Variants in WASF3 observed in about 807,000 individuals in gnomAD.
WASF3 encodes the protein actin-binding protein WASF3.
A neutral mutation model predicts 46.6 loss-of-function variants in WASF3; 11 were observed. The ratio of observed to expected loss-of-function variants is 0.24; its 90% confidence interval spans 0.15 to 0.39. The LOEUF is 0.39. Ranked by LOEUF, WASF3 falls within the 10% of genes least tolerant of loss-of-function variation. WASF3 has a pLI of 1.00. For synonymous variants in WASF3, 242 were observed against 259.7 expected (o/e 0.93, Z 0.65); for missense variants, 576 against 669.8 (o/e 0.86, Z 1.55).
chr13:26,684,647 C>T (rs538798553), intron 9 of WASF3, among the ~76,000 whole-genome samples: 14 of 152,108 alleles, frequency 9.2e-5, no homozygotes, highest in South Asian at 2.1e-4. Context: ...GAGGCGGGGG[C>T]GGTAACACAT....
In WASF3 at chr13:26,629,127, A is replaced by G. The variant is rs368087812; in HGVS notation, c.-10-13134A>G. Among the ~76,000 whole-genome samples, 9 of 152,316 alleles carry G rather than the reference A, an allele frequency of 5.9e-5. No homozygotes were observed. In the East Asian group the frequency reaches 1.7e-3, roughly 29 times the overall value. On this transcript the variant is annotated intron_variant, in intron 2 of 9. Transcript: ENST00000335327. ...AAAGTGGGTCCCCTCGTCAGATGCG[A>G]TGATGTGTGGGGTCCATCAGGCTGA...
the WASF3 span, among the ~76,000 whole-genome samples, chr13:26,543,044 G>A: frequency 2.0e-5 from 3 of 152,168 alleles, no homozygotes; most frequent in Admixed American, 2.0e-4. Flanking sequence ...GGTAGTGCAG[G>A]GCTTTGGGAC....
chr13:26,559,808 C>CTTTTTTTTTTTTTT (rs770616922), intron 1 of WASF3, among the ~76,000 whole-genome samples: 3 of 73,434 alleles, frequency 4.1e-5, no homozygotes, highest in African/African-American at 5.4e-5. Context: ...TTCTTTCTTT[C>CTTTTTTTTTTTTTT]TTTTTTTTTT....
chr13:26,685,423 T>C (rs181236961), intron 9 of WASF3, among the ~76,000 whole-genome samples: 76 of 152,348 alleles, frequency 5.0e-4, no homozygotes, highest in Non-Finnish European at 8.8e-4. Flanking sequence ...TCCACAGTTT[T>C]CTCTAATGGT....
rs774806573 is a variant in WASF3, at chr13:26,676,720, A to G, written c.712A>G (p.Thr238Ala). The G allele has an allele frequency of 1.2e-6, 2 of 1,613,362 alleles. No individual in the cohort carries two copies. The highest frequency in any genetic ancestry group is 2.2e-5 in the East Asian group (1 of 44,836). ...TTCCGAGGGATCCCTGTCCCCAGAT[A>G]CTAGGTGTGTGTGTGTCACTGCTCC... ...ASSEGSLSPD[T>A]RSHASDVTDY... Residue 238 changes from threonine (T) to alanine (A), a missense_variant, in exon 7 of 10, where the codon ACT becomes GCT. Around this residue, in one of 3 missense-constraint regions of WASF3, gnomAD observed 295 missense variants for 291.5 expected, o/e 1.01. Coordinates refer to ENST00000335327, the MANE Select transcript of WASF3 (RefSeq NM_006646.6).
chr13:26,550,730 T>C, the WASF3 span, among the ~76,000 whole-genome samples: 1 of 152,118 alleles, frequency 6.6e-6, no homozygotes, highest in Non-Finnish European at 1.5e-5. Context: ...TAACTTCAGA[T>C]CCAGGCACCC....
intron 1 of WASF3, among the ~76,000 whole-genome samples, chr13:26,603,119 A>G (rs1440948040): frequency 2.6e-5 from 4 of 152,200 alleles, no homozygotes; most frequent in Non-Finnish European, 4.4e-5. Context: ...TTCTCCTGAA[A>G]TAGCTGTGGA....
chr13:26,595,495 T>C (rs1210043765), intron 1 of WASF3, among the ~76,000 whole-genome samples: 1 of 152,212 alleles, frequency 6.6e-6, no homozygotes, highest in Non-Finnish European at 1.5e-5. Flanking sequence ...CTAACGACCT[T>C]ATTCACTGTT....
intron 2 of WASF3, among the ~76,000 whole-genome samples, chr13:26,636,243 T>C (rs1881816627): frequency 6.6e-6 from 1 of 152,242 alleles, no homozygotes; most frequent in Non-Finnish European, 1.5e-5. Context: ...CCTGTCAGGC[T>C]GCTTCCTCAC....
chr13:26,611,737 A>G (rs1880986304), intron 1 of WASF3, among the ~76,000 whole-genome samples: 1 of 152,222 alleles, frequency 6.6e-6, no homozygotes, highest in South Asian at 2.1e-4. Context: ...AGCATGCAGT[A>G]CAGCTGCTCT....
At chr13:26,675,734 C>T (rs2137494021) in intron 6 of WASF3, among the ~76,000 whole-genome samples, 1 of 151,676 alleles carries the variant, frequency 6.6e-6, no homozygotes, top group Admixed American at 6.6e-5. Flanking sequence ...GAAGTTCATG[C>T]TTGCTGCCTG....
rs545005855 is a variant in WASF3, at chr13:26,606,384, C to T, written c.-108-6577C>T. On this transcript the variant is annotated intron_variant, in intron 1 of 9. Transcript: ENST00000335327. ...TGTGTGTCTGTGGCGGGGACAGGAT[C>T]TCACTCTGTTACCTAGGCTGGAATG... is the stretch of plus-strand genomic sequence containing the variant. 4.4e-4 allele frequency among the ~76,000 whole-genome samples: 64 copies of T among 145,458 alleles called. No individual in the cohort carries two copies. In the South Asian group the frequency reaches 8.4e-3, roughly 19 times the overall value.
At chr13:26,591,527 G>C (rs1200467295) in intron 1 of WASF3, among the ~76,000 whole-genome samples, 2 of 152,116 alleles carry the variant, frequency 1.3e-5, no homozygotes, top group African/African-American at 4.8e-5. Flanking sequence ...TTTTTGACTT[G>C]AGCAGCTGAG....
the WASF3 span, among the ~76,000 whole-genome samples, chr13:26,547,565 A>T: frequency 1.3e-5 from 2 of 152,082 alleles, 1 homozygote; most frequent in Admixed American, 1.3e-4. Flanking sequence ...GGCCTTACTG[A>T]TTCCTTCTCA....
At chr13:26,663,496 C>A (rs1406355379) in intron 3 of WASF3, among the ~76,000 whole-genome samples, 1 of 152,132 alleles carries the variant, frequency 6.6e-6, no homozygotes, top group East Asian at 1.9e-4. Flanking sequence ...ACCCAGAAGA[C>A]CATGCTGTGG....
At chr13:26,683,180 T>C (rs889406179) in intron 9 of WASF3, among the ~76,000 whole-genome samples, 1 of 152,148 alleles carries the variant, frequency 6.6e-6, no homozygotes, top group Non-Finnish European at 1.5e-5. Context: ...GTGATAAAGA[T>C]TGGGAAACAG....
intron 1 of WASF3, among the ~76,000 whole-genome samples, chr13:26,560,350 A>C (rs1265353557): frequency 6.6e-6 from 1 of 152,180 alleles, no homozygotes; most frequent in Non-Finnish European, 1.5e-5. Flanking sequence ...ATATCAACAC[A>C]GAGATTTATA....
intron 7 of WASF3, among the ~76,000 whole-genome samples, chr13:26,677,849 T>G (rs1010845845): frequency 5.9e-5 from 9 of 152,202 alleles, no homozygotes; most frequent in African/African-American, 2.2e-4. Context: ...CAATCTGCTT[T>G]TTTGTTTTTT....
intron 1 of WASF3, among the ~76,000 whole-genome samples, chr13:26,602,670 A>G (rs1474047781): frequency 6.6e-6 from 1 of 152,216 alleles, no homozygotes; most frequent in Non-Finnish European, 1.5e-5. Context: ...AGAAAAACTG[A>G]AGTTATTTGT....
Sources: gnomAD v4.1 joint callset for allele counts (sites outside exome capture counted in the v4.1 genomes callset) on GRCh38, gnomAD v4.1.1 for gene constraint, gnomAD v4.1.1 regional missense constraint, MANE v1.5 for transcripts, NCBI Gene and HGNC (gene_info 2026-07-23, HGNC 2026-07-21) for gene names.